The following ZMYM2 variants were observed in gnomAD, a reference collection of about 807,000 sequenced individuals.
ZMYM2 encodes zinc finger MYM-type containing 2.
In ZMYM2, 56 loss-of-function variants were observed where a neutral mutation model predicts 162.8. The ratio of observed to expected loss-of-function variants is 0.34; its 90% CI spans 0.28 to 0.43. ZMYM2 has a LOEUF of 0.43. Ranked by LOEUF, ZMYM2 falls within the 20% of genes least tolerant of loss-of-function variation. ZMYM2 has a pLI of 1.00. For synonymous variants in ZMYM2, 510 were observed against 541.6 expected (o/e 0.94, Z 0.81); for missense variants, 1,275 against 1,621.8 (o/e 0.79, Z 3.67).
chr13:19,971,756 A>G (rs1956355878), intron 2 of ZMYM2, among the ~76,000 whole-genome samples: 1 of 152,098 alleles, frequency 6.6e-6, no homozygotes, highest in Non-Finnish European at 1.5e-5. Flanking sequence ...TAGGGGAAGA[A>G]AGGAGAAAAA....
chr13:19,993,900 T>C lies in ZMYM2; in HGVS notation c.828T>C (p.Ser276=), dbSNP rs764540785. Residue 276 remains serine, a synonymous_variant, in exon 3 of 25, where the codon TCT becomes TCC. Transcript: ENST00000610343. ...GAGACGTTTTTCAGAATGGAGAATC[T>C]GCAACTCATCATAATCCTGGTAAGC... ...VAGDVFQNGE[S]ATHHNPDSWI... 6.2e-7 allele frequency: 1 copy of C among 1,612,632 alleles called. No individual in the cohort carries two copies. Among genetic ancestry groups the C allele is most frequent in the Non-Finnish European group, 8.5e-7 (1 of 1,179,380 alleles).
chr13:19,900,357 T>C, the ZMYM2 span, among the ~76,000 whole-genome samples: 4 of 152,002 alleles, frequency 2.6e-5, no homozygotes, highest in Non-Finnish European at 4.4e-5. Context: ...AATGGATAAA[T>C]TACTAGAAAC....
At chr13:19,893,749 A>C in the ZMYM2 span, among the ~76,000 whole-genome samples, 5 of 151,540 alleles carry the variant, frequency 3.3e-5, no homozygotes, top group Non-Finnish European at 5.9e-5. Context: ...CAAAAACTAA[A>C]TAAGTAAAAA....
At chr13:19,895,009 G>A in the ZMYM2 span, among the ~76,000 whole-genome samples, 2 of 149,290 alleles carry the variant, frequency 1.3e-5, no homozygotes, top group South Asian at 2.1e-4. Flanking sequence ...ACCAAGGGGC[G>A]GAGGTTGCAG....
At chr13:20,056,176 A>G (rs2140674840) in intron 14 of ZMYM2, among the ~76,000 whole-genome samples, 1 of 152,352 alleles carries the variant, frequency 6.6e-6, no homozygotes, top group East Asian at 1.9e-4. Context: ...CTTGATACAC[A>G]GAGCTCAAAA....
At chr13:19,924,006 C>G in the ZMYM2 span, among the ~76,000 whole-genome samples, 1 of 152,118 alleles carries the variant, frequency 6.6e-6, no homozygotes, top group African/African-American at 2.4e-5. Context: ...TGACCTATCC[C>G]TGTGCCCGAC....
the ZMYM2 span, among the ~76,000 whole-genome samples, chr13:19,900,884 T>A: frequency 6.6e-6 from 1 of 151,884 alleles, no homozygotes; most frequent in Admixed American, 6.6e-5. Flanking sequence ...ATACAAAAAA[T>A]TGTCAGGCGT....
At chr13:20,062,731 T>C in intron 17 of ZMYM2, 115 bp from the exon 18 acceptor site, 1 of 1,067,222 alleles carries the variant, frequency 9.4e-7, no homozygotes, top group East Asian at 2.7e-5. Context: ...TGTGACATTA[T>C]ACGTATTTTT....
At chr13:19,884,286 G>A in the ZMYM2 span, among the ~76,000 whole-genome samples, 1 of 152,094 alleles carries the variant, frequency 6.6e-6, no homozygotes, top group Non-Finnish European at 1.5e-5. Context: ...TCTCGCTGAC[G>A]CCAGTGGCGG....
At chr13:19,885,628 T>G in the ZMYM2 span, among the ~76,000 whole-genome samples, 2 of 151,954 alleles carry the variant, frequency 1.3e-5, no homozygotes, top group Non-Finnish European at 2.9e-5. Flanking sequence ...TCAATTGAGG[T>G]CAGGAGTTCG....
At chr13:19,977,681 G>A (rs1422476586) in intron 2 of ZMYM2, among the ~76,000 whole-genome samples, 1 of 150,892 alleles carries the variant, frequency 6.6e-6, no homozygotes, top group African/African-American at 2.4e-5. Flanking sequence ...TAGTAGAGAC[G>A]GGGTTTCACT....
At chr13:20,011,976 C>T (rs552322840) in intron 6 of ZMYM2, among the ~76,000 whole-genome samples, 1 of 152,208 alleles carries the variant, frequency 6.6e-6, no homozygotes, top group African/African-American at 2.4e-5. Flanking sequence ...TTTCAAACTC[C>T]TGATGTCAAG....
intron 4 of ZMYM2, 95 bp downstream of exon 4, chr13:20,003,230 C>T (rs1273500364): frequency 1.3e-5 from 18 of 1,408,246 alleles, no homozygotes; most frequent in Non-Finnish European, 1.6e-5. Context: ...CCTTTGGAAA[C>T]TTCCCTATCA....
At chr13:19,945,314 C>T in the ZMYM2 span, among the ~76,000 whole-genome samples, 10 of 152,090 alleles carry the variant, frequency 6.6e-5, no homozygotes, top group African/African-American at 2.2e-4. Context: ...TGCAGTGTCA[C>T]GATCTCGGCT....
At chr13:19,972,607 A>G (rs909543294) in intron 2 of ZMYM2, among the ~76,000 whole-genome samples, 20 of 152,022 alleles carry the variant, frequency 1.3e-4, no homozygotes, top group African/African-American at 4.1e-4. Flanking sequence ...TCTGTTTCCA[A>G]TTTTTTGCTA....
chr13:20,019,463 A>G, intron 6 of ZMYM2, 84 bp from the exon 7 acceptor site: 1 of 1,216,696 alleles, frequency 8.2e-7, no homozygotes, highest in Non-Finnish European at 1.1e-6. Flanking sequence ...TTGAGAAGCA[A>G]CTTTTACATA....
At chr13:19,918,495 C>CTTTTTTTTTTTTTTTTTTTTTTTTTTT in the ZMYM2 span, among the ~76,000 whole-genome samples, 1 of 107,504 alleles carries the variant, frequency 9.3e-6, no homozygotes, top group Non-Finnish European at 1.9e-5. Context: ...TTCTTTCTTT[C>CTTTTTTTTTTTTTTTTTTTTTTTTTTT]TTTTTTTTTT....
intron 2 of ZMYM2, among the ~76,000 whole-genome samples, chr13:19,962,515 A>ATATATATATATATATTT (rs1371972440): frequency 5.1e-5 from 2 of 38,918 alleles, no homozygotes; most frequent in Admixed American, 5.1e-4. Flanking sequence ...ATATATATAT[A>ATATATATATATATATTT]TTTTTTTTTT....
intron 9 of ZMYM2, among the ~76,000 whole-genome samples, chr13:20,028,234 GACTTA>G (rs370796551): frequency 6.6e-5 from 10 of 152,232 alleles, no homozygotes; most frequent in African/African-American, 2.2e-4. Context: ...CCACGTTTAA[GACTTA>G]ACTTGTTATT....
Sources: allele counts gnomAD v4.1 joint callset (sites outside exome capture counted in the v4.1 genomes callset), GRCh38; gene constraint gnomAD v4.1.1; transcripts MANE v1.5; gene names NCBI Gene and HGNC (gene_info 2026-07-23, HGNC 2026-07-21).